Variants in C2 observed in about 807,000 individuals in gnomAD.
The protein encoded by C2 is complement C2.
C2 carries 64 observed loss-of-function variants against 85.2 expected under a neutral mutation model. The ratio of observed to expected loss-of-function variants is 0.75; its 90% CI spans 0.61 to 0.92. C2 has a LOEUF of 0.92. Ranked by LOEUF, C2 falls within the 40% of genes least tolerant of loss-of-function variation. The pLI is 0.00. For synonymous variants in C2, 311 were observed against 370.8 expected (o/e 0.84, Z 1.85); for missense variants, 820 against 971.6 (o/e 0.84, Z 2.07).
At chr6:31,925,006 T>C (rs1769179904), upstream of C2, among the ~76,000 whole-genome samples, 1 of 152,150 alleles carries the variant, frequency 6.6e-6, no homozygotes, top group Admixed American at 6.5e-5. Context: ...AGCTTATGTT[T>C]TGGATTCCTC....
In C2 at chr6:31,928,134, AC is replaced by A; in HGVS notation, c.229del (p.Arg77GlyfsTer37). On this transcript the variant is annotated frameshift_variant, in exon 2 of 18. Coordinates refer to ENST00000299367, the MANE Select transcript of C2 (RefSeq NM_000063.6). LOFTEE classifies it high-confidence loss of function. ...SSGQWQTPGA[T>X]RSLSKAVCKP... ...CGGACAGTGGCAGACCCCAGGAGCCACCCGGTCTCTGTCTAAGGCGGTCTGC... is the reference window on the plus strand; with the variant it reads ...CGGACAGTGGCAGACCCCAGGAGCCACCGGTCTCTGTCTAAGGCGGTCTGC... 6.2e-7 allele frequency: 1 copy of A among 1,612,436 alleles called. No individual in the cohort carries two copies. Among genetic ancestry groups the A allele is most frequent in the African/African-American group, 1.3e-5 (1 of 75,000 alleles).
intron 3 of C2, among the ~76,000 whole-genome samples, chr6:31,931,915 G>A (rs1769804056): frequency 2.6e-5 from 2 of 76,040 alleles, no homozygotes; most frequent in African/African-American, 3.6e-5. Context: ...CCTCCCTCCC[G>A]GACGGCGCGG....
upstream of C2, among the ~76,000 whole-genome samples, chr6:31,923,051 C>T (rs1332738169): frequency 1.3e-5 from 2 of 152,086 alleles, no homozygotes; most frequent in Non-Finnish European, 2.9e-5. Flanking sequence ...CACCTGCTTC[C>T]CTCTACCTGG....
chr6:31,907,141 A>AG (rs1460839561), intron 1 of C2, among the ~76,000 whole-genome samples: 1 of 116,374 alleles, frequency 8.6e-6, no homozygotes, highest in African/African-American at 3.5e-5. Flanking sequence ...ACTCTGTCTT[A>AG]AAAAAAAAAA....
At chr6:31,901,198 G>T (rs1162716329) in intron 1 of C2, 4 of 1,613,352 alleles carry the variant, frequency 2.5e-6, no homozygotes, top group African/African-American at 1.3e-5. Context: ...CGGCCACAAT[G>T]GTCACGTCGC....
At position 31,936,072 on chromosome 6, in the gene C2, C is replaced by T; in HGVS notation, c.988+11C>T. The T allele has an allele frequency of 1.2e-6, 2 of 1,612,706 alleles. No individual in the cohort carries two copies. The highest frequency in any genetic ancestry group is 1.7e-6 in the Non-Finnish European group (2 of 1,179,886). ...ATGCCAACTATAAAGGTACGGGTGT[C>T]ATCACGTGATGGTGATGAGAGAGGA... On this transcript the variant is annotated intron_variant, in intron 7 of 17. Transcript: ENST00000299367.
In C2 at chr6:31,945,228, C is replaced by T. The variant is rs1358581875; in HGVS notation, c.2130C>T (p.Asp710=). The T allele has an allele frequency of 6.2e-7, 1 of 1,612,982 alleles. No individual in the cohort carries two copies. Among genetic ancestry groups the T allele is most frequent in the Admixed American group, 1.7e-5 (1 of 60,020 alleles). The change falls in exon 18 of 18, where the codon GAC becomes GAT. Residue 710 remains aspartate, a synonymous_variant. Transcript: ENST00000299367. The surrounding 1 kb of genome is among the most constrained non-coding windows in gnomAD (Gnocchi z 5.3). ...ACAACCCCTGCCTTGGCTCTGCTGA[C>T]AAAAACTCCCGCAAAAGGGCCCCTC... ...GLYNPCLGSA[D]KNSRKRAPRS...
At chr6:31,901,360 C>T (rs1767249640) in intron 1 of C2, 2 of 1,535,842 alleles carry the variant, frequency 1.3e-6, no homozygotes. Flanking sequence ...AGACAAAGGT[C>T]TCTGGCTCTC....
At chr6:31,897,904 G>A, upstream of C2, 5 of 1,061,980 alleles carry the variant, frequency 4.7e-6, no homozygotes, top group Non-Finnish European at 5.7e-6. Flanking sequence ...AGACACGCCT[G>A]GGCCCAGGTG....
intron 3 of C2, 95 bp downstream of exon 3, chr6:31,929,012 G>A: frequency 8.6e-7 from 1 of 1,157,142 alleles, no homozygotes; most frequent in Non-Finnish European, 1.2e-6. Context: ...GTGGGGATAG[G>A]AGTCTGTTGT....
At chr6:31,939,178 C>A in intron 8 of C2, 53 bp from the exon 9 acceptor site, 2 of 1,267,112 alleles carry the variant, frequency 1.6e-6, no homozygotes, top group Non-Finnish European at 2.3e-6. Flanking sequence ...TCTTCCAGGG[C>A]CTGGGGAAAT....
Position 31,944,474 on chromosome 6 carries a change from T to C in C2, c.1902+248T>C, listed in dbSNP as rs1270602041. 6.6e-6 allele frequency among the ~76,000 whole-genome samples: 1 copy of C among 152,206 alleles called. No homozygotes were observed. The highest frequency in any genetic ancestry group is 1.5e-5 in the Non-Finnish European group (1 of 68,030). On this transcript the variant is annotated intron_variant, in intron 15 of 17. Transcript: ENST00000299367. This position sits in a 1 kb window ranked among gnomAD's most constrained non-coding sequence, Gnocchi z 5.1. ...TCAGCTCACTGCAACTTCTGCCTCC[T>C]GGGTTCAAGCGATTCTCCTACTTCA...
At chr6:31,925,187 G>A (rs1769189088), upstream of C2, among the ~76,000 whole-genome samples, 1 of 152,118 alleles carries the variant, frequency 6.6e-6, no homozygotes, top group African/African-American at 2.4e-5. Context: ...CTACATATTG[G>A]GTGGGTACTT....
chr6:31,929,314 T>G (rs1227789607), intron 3 of C2, among the ~76,000 whole-genome samples: 1 of 152,216 alleles, frequency 6.6e-6, no homozygotes, highest in Non-Finnish European at 1.5e-5. Context: ...TTTGACAGAC[T>G]TTGGGAAGGC....
chr6:31,937,234 A>G (rs1315298683), intron 7 of C2, 85 bp from the exon 8 acceptor site: 5 of 1,447,576 alleles, frequency 3.5e-6, no homozygotes, highest in Admixed American at 1.8e-5. Flanking sequence ...TGCATTTCCA[A>G]TAATTGGGGG....
At chr6:31,928,957 T>C in intron 3 of C2, 40 bp downstream of exon 3, 1 of 1,562,984 alleles carries the variant, frequency 6.4e-7, no homozygotes, top group Non-Finnish European at 8.7e-7. Flanking sequence ...GGGGCTGGGG[T>C]CTCCTGGGGA....
intron 7 of C2, chr6:31,936,529 G>A (rs488755): frequency 0.066 from 13,672 of 206,086 alleles, 610 homozygotes; most frequent in African/African-American, 0.12. Context: ...TTTTTTTGAG[G>A]TGGAGTCTCG....
intron 1 of C2, among the ~76,000 whole-genome samples, chr6:31,903,096 C>A (rs6939227): frequency 0.05 from 7,636 of 152,182 alleles, 264 homozygotes; most frequent in African/African-American, 0.095. Context: ...AAGGCTGGTG[C>A]CTTCCCTTCC....
chr6:31,936,183 G>A (rs1770404306), intron 7 of C2, 122 bp downstream of exon 7: 9 of 1,065,258 alleles, frequency 8.4e-6, no homozygotes, highest in South Asian at 1.3e-5. Flanking sequence ...TGAGTCCCAC[G>A]AGTCTGGGGT....
Sources: allele counts gnomAD v4.1 joint callset (sites outside exome capture counted in the v4.1 genomes callset), GRCh38; gene constraint gnomAD v4.1.1; non-coding constraint Gnocchi (gnomAD v3.1); transcripts MANE v1.5; gene names NCBI Gene and HGNC (gene_info 2026-07-23, HGNC 2026-07-21).